The following ITFG1 variants were observed in gnomAD, a reference collection of about 807,000 sequenced individuals.
ITFG1 encodes the protein integrin alpha FG-GAP repeat containing 1.
A neutral mutation model predicts 81.8 loss-of-function variants in ITFG1; 34 were observed. That is an observed-to-expected ratio of 0.42 (90% CI 0.32 to 0.55). The LOEUF (loss-of-function observed/expected upper bound fraction) is 0.55, where lower values mean the gene tolerates loss of function less well. Ranked by LOEUF, ITFG1 falls within the 20% of genes least tolerant of loss-of-function variation. ITFG1 has a pLI of 0.17. For missense variants in ITFG1, 672 were observed against 755.4 expected (o/e 0.89, Z 1.29); for synonymous variants, 285 against 270.6 (o/e 1.05, Z -0.52).
chr16:47,276,225 T>C (rs1011062040), intron 10 of ITFG1, among the ~76,000 whole-genome samples: 17 of 151,762 alleles, frequency 1.1e-4, no homozygotes, highest in Admixed American at 6.6e-5. Context: ...CATACCAAAA[T>C]CAATAGCCTC....
intron 14 of ITFG1, among the ~76,000 whole-genome samples, chr16:47,193,462 G>A (rs1596799203): frequency 6.6e-6 from 1 of 152,090 alleles, no homozygotes; most frequent in African/African-American, 2.4e-5. Flanking sequence ...CACTTTGGGA[G>A]GCCAAGGCTA....
In ITFG1 at chr16:47,258,576, A is replaced by G; in HGVS notation, c.1330+56T>C. On this transcript the variant is annotated intron_variant, in intron 12 of 17. Coordinates refer to ENST00000320640, the MANE Select transcript of ITFG1 (RefSeq NM_030790.5). ...GGAGCATGTCCTTGCTCTTTGGAAT[A>G]TGTGGAGAGAGGGGAAGAGAAAGAG... is the stretch of plus-strand genomic sequence containing the variant. The G allele has an allele frequency of 7.4e-6, 6 of 808,180 alleles. No homozygotes were observed. In the South Asian group the frequency reaches 8.8e-5, roughly 12 times the overall value. 50.1% of individuals were successfully genotyped at this position (808,180 alleles called of 1,614,324 possible).
chr16:47,388,909 C>T (rs1001782557), intron 6 of ITFG1, among the ~76,000 whole-genome samples: 1 of 152,148 alleles, frequency 6.6e-6, no homozygotes, highest in Non-Finnish European at 1.5e-5. Flanking sequence ...TCCTGCACGG[C>T]TGCAGGGTCA....
intron 8 of ITFG1, among the ~76,000 whole-genome samples, chr16:47,320,559 T>C (rs1180231892): frequency 6.6e-6 from 1 of 152,220 alleles, no homozygotes; most frequent in Non-Finnish European, 1.5e-5. Flanking sequence ...ATATATACTT[T>C]TCAGAAAAGA....
intron 6 of ITFG1, among the ~76,000 whole-genome samples, chr16:47,425,118 T>G (rs1182262019): frequency 6.6e-6 from 1 of 152,126 alleles, no homozygotes; most frequent in Non-Finnish European, 1.5e-5. Context: ...GGCCGCTTTG[T>G]TTACACTGTA....
intron 13 of ITFG1, among the ~76,000 whole-genome samples, chr16:47,230,372 A>C (rs1001357713): frequency 6.6e-6 from 1 of 152,214 alleles, no homozygotes; most frequent in South Asian, 2.1e-4. Context: ...AGGCTAGACG[A>C]TAACAGTGGG....
intron 13 of ITFG1, among the ~76,000 whole-genome samples, chr16:47,235,152 C>T (rs1965859004): frequency 6.6e-6 from 1 of 152,176 alleles, no homozygotes; most frequent in Non-Finnish European, 1.5e-5. Context: ...GGTTTTTCTT[C>T]AGAAATGCCC....
At chr16:47,421,068 G>A (rs1968940117) in intron 6 of ITFG1, among the ~76,000 whole-genome samples, 2 of 151,786 alleles carry the variant, frequency 1.3e-5, no homozygotes, top group South Asian at 4.2e-4. Context: ...AAGAACTCTT[G>A]CTCATTTTTG....
intron 15 of ITFG1, 25 bp downstream of exon 15, chr16:47,162,515 G>A: frequency 6.4e-7 from 1 of 1,552,578 alleles, no homozygotes; most frequent in Non-Finnish European, 8.8e-7. Flanking sequence ...TAGATTAATT[G>A]TAAACAAAAT....
intron 10 of ITFG1, among the ~76,000 whole-genome samples, chr16:47,282,653 C>A (rs1966462432): frequency 6.6e-6 from 1 of 151,964 alleles, no homozygotes; most frequent in South Asian, 2.1e-4. Flanking sequence ...ATTTTTAGTT[C>A]TTTGAGGAAT....
At chr16:47,418,216 A>G (rs1249658501) in intron 6 of ITFG1, among the ~76,000 whole-genome samples, 1 of 152,056 alleles carries the variant, frequency 6.6e-6, no homozygotes, top group Non-Finnish European at 1.5e-5. Flanking sequence ...CCTCTTTTCA[A>G]TAGGATTATT....
At chr16:47,442,916 T>C (rs1969272526) in intron 5 of ITFG1, among the ~76,000 whole-genome samples, 1 of 152,082 alleles carries the variant, frequency 6.6e-6, no homozygotes, top group African/African-American at 2.4e-5. Flanking sequence ...CTAATTAAAC[T>C]AAAGAGCTTC....
At chr16:47,386,178 T>C (rs1310783196) in intron 6 of ITFG1, among the ~76,000 whole-genome samples, 1 of 152,050 alleles carries the variant, frequency 6.6e-6, no homozygotes, top group Non-Finnish European at 1.5e-5. Context: ...TGGGGGAAAT[T>C]ATTAAAAAAA....
intron 14 of ITFG1, among the ~76,000 whole-genome samples, chr16:47,186,953 C>T (rs1487253989): frequency 1.3e-5 from 2 of 152,134 alleles, no homozygotes; most frequent in African/African-American, 4.8e-5. Flanking sequence ...CACAAGCATT[C>T]TTATACACCA....
chr16:47,434,051 A>C (rs1969131546), intron 5 of ITFG1, among the ~76,000 whole-genome samples: 1 of 151,162 alleles, frequency 6.6e-6, no homozygotes, highest in Admixed American at 6.6e-5. Flanking sequence ...CACATACAAA[A>C]ATTAACTCAA....
intron 6 of ITFG1, among the ~76,000 whole-genome samples, chr16:47,426,949 A>G (rs1969028403): frequency 6.6e-6 from 1 of 152,178 alleles, no homozygotes; most frequent in African/African-American, 2.4e-5. Context: ...GTAAAATCAG[A>G]CTGTTAAGTG....
chr16:47,431,051 A>C (rs1219409889), intron 5 of ITFG1, among the ~76,000 whole-genome samples: 1 of 152,258 alleles, frequency 6.6e-6, no homozygotes, highest in African/African-American at 2.4e-5. Context: ...ATCCTTAAAA[A>C]CATACTATGT....
intron 10 of ITFG1, among the ~76,000 whole-genome samples, chr16:47,274,301 T>C (rs985589863): frequency 2.0e-5 from 3 of 152,030 alleles, no homozygotes; most frequent in African/African-American, 7.2e-5. Context: ...TTCAATCTTA[T>C]CATCTTGAGA....
chr16:47,308,177 T>C (rs1378361418), intron 10 of ITFG1, among the ~76,000 whole-genome samples: 2 of 152,238 alleles, frequency 1.3e-5, no homozygotes, highest in Non-Finnish European at 2.9e-5. Context: ...ATGGGATTGC[T>C]GGGTCGAATG....
Sources: gnomAD v4.1 joint callset for allele counts (sites outside exome capture counted in the v4.1 genomes callset) on GRCh38, gnomAD v4.1.1 for gene constraint, MANE v1.5 for transcripts, NCBI Gene and HGNC (gene_info 2026-07-23, HGNC 2026-07-21) for gene names.